The following FARP1 variants were observed in gnomAD, a reference collection of about 807,000 sequenced individuals.
The protein encoded by FARP1 is FERM, ARHGEF and pleckstrin domain-containing protein 1.
A neutral mutation model predicts 128.8 loss-of-function variants in FARP1; 52 were observed. That is an observed-to-expected ratio of 0.40 (90% confidence interval 0.32 to 0.51). The LOEUF is 0.51. FARP1 is among the 20% of genes least tolerant of loss of function. FARP1 has a pLI of 0.45. For missense variants in FARP1, 1,333 were observed against 1,367.9 expected (o/e 0.97, Z 0.40); for synonymous variants, 580 against 551.8 (o/e 1.05, Z -0.72).
intron 17 of FARP1, among the ~76,000 whole-genome samples, chr13:98,427,200 T>G (rs1891821764): frequency 6.6e-6 from 1 of 152,146 alleles, no homozygotes; most frequent in Non-Finnish European, 1.5e-5. Context: ...CCCAAATCCC[T>G]GGCAACCACT....
chr13:98,364,965 T>A (rs2139962917), intron 3 of FARP1, among the ~76,000 whole-genome samples: 1 of 152,350 alleles, frequency 6.6e-6, no homozygotes, highest in East Asian at 1.9e-4. Flanking sequence ...TCTGTAAATA[T>A]TCATTCCCTT....
intron 5 of FARP1, among the ~76,000 whole-genome samples, chr13:98,369,207 G>A (rs1889224808): frequency 6.6e-6 from 1 of 152,168 alleles, no homozygotes; most frequent in African/African-American, 2.4e-5. Context: ...TTATGTGCGT[G>A]AGCCACTGCG....
chr13:98,255,430 C>T (rs4238215), intron 2 of FARP1, among the ~76,000 whole-genome samples: 2 of 151,978 alleles, frequency 1.3e-5, no homozygotes, highest in African/African-American at 4.8e-5. Flanking sequence ...GAACCCAGGA[C>T]GCGAAGCTTG....
At chr13:98,304,045 A>G (rs568344658) in intron 2 of FARP1, among the ~76,000 whole-genome samples, 2 of 152,218 alleles carry the variant, frequency 1.3e-5, no homozygotes, top group East Asian at 3.9e-4. Flanking sequence ...CTCTCTGTTT[A>G]CTTTGGGAAA....
At chr13:98,287,188 A>C (rs1372777311) in intron 2 of FARP1, among the ~76,000 whole-genome samples, 1 of 142,438 alleles carries the variant, frequency 7.0e-6, no homozygotes, top group Non-Finnish European at 1.5e-5. Context: ...TGTCCTTTCC[A>C]AATTAACCAT....
intron 6 of FARP1, among the ~76,000 whole-genome samples, chr13:98,382,102 C>T (rs1022653826): frequency 1.6e-4 from 25 of 151,852 alleles, no homozygotes; most frequent in Non-Finnish European, 2.9e-4. Context: ...TGGTATGTGG[C>T]GGTAGCCCCA....
chr13:98,369,475 A>G (rs1889237777), intron 5 of FARP1, among the ~76,000 whole-genome samples: 1 of 150,824 alleles, frequency 6.6e-6, no homozygotes, highest in Admixed American at 6.6e-5. Flanking sequence ...TTAACTCCTC[A>G]TTTAGCATTA....
chr13:98,372,088 T>C lies in FARP1; in HGVS notation c.398+3893T>C, dbSNP rs561577865. ...AAGATGATCCCAGTTTTTCTTTTTT[T>C]TTTTTTTTTTTTTTTGGCGATGGAG... On this transcript the variant is annotated intron_variant, in intron 5 of 26. Coordinates refer to ENST00000319562, the MANE Select transcript of FARP1 (RefSeq NM_005766.4). 8.8e-3 allele frequency among the ~76,000 whole-genome samples: 1,247 copies of C among 141,788 alleles called. 6 individuals carry two copies. The highest frequency in any genetic ancestry group is 0.011 in the Non-Finnish European group (700 of 64,948). 93.0% of individuals were successfully genotyped at this position (141,788 alleles called of 152,430 possible).
In FARP1 at chr13:98,395,219, C is replaced by T. The variant is rs1239460814; in HGVS notation, c.1165-8C>T. On this transcript the variant is annotated splice_polypyrimidine_tract_variant and splice_region_variant and intron_variant, in intron 12 of 26. Transcript: ENST00000319562. ...ATCTCTCCGCACCTTTTTCCCCACC[C>T]CACCCAGTCTCAGCAGAGCACCAGC... 1.3e-6 allele frequency: 2 copies of T among 1,584,194 alleles called. No individual in the cohort carries two copies. Among genetic ancestry groups the T allele is most frequent in the East Asian group, 2.3e-5 (1 of 44,040 alleles).
At chr13:98,334,706 G>T (rs1887669424) in intron 2 of FARP1, among the ~76,000 whole-genome samples, 1 of 152,138 alleles carries the variant, frequency 6.6e-6, no homozygotes, top group Admixed American at 6.5e-5. Flanking sequence ...AAGGTAAAAT[G>T]AGGTCATGAA....
intron 3 of FARP1, among the ~76,000 whole-genome samples, chr13:98,353,698 A>G (rs1444516969): frequency 6.6e-6 from 1 of 152,150 alleles, no homozygotes; most frequent in Non-Finnish European, 1.5e-5. Context: ...AGTTTTAAGC[A>G]TCTGTTTATT....
rs34250002 is a variant in FARP1, at chr13:98,151,660, C to CTTTTTT, written c.-24+8182_-24+8187dup. Among the ~76,000 whole-genome samples, 419 of 69,202 alleles carry CTTTTTT rather than the reference C, an allele frequency of 6.1e-3. 96 individuals are homozygous for CTTTTTT. The highest frequency in any genetic ancestry group is 7.9e-3 in the Non-Finnish European group (285 of 36,140). The allele number at this position is 69,202 out of a possible 152,430, so 45.4% of individuals were successfully genotyped here. On this transcript the variant is annotated intron_variant, in intron 1 of 26. Transcript: ENST00000319562. The stretch of plus-strand genomic sequence containing the variant: ...AAACCTGCCCTTATATATCTTCCAT[C>CTTTTTT]TTTTTTTTTTTTTTTTTTTGAGACG...
chr13:98,259,456 G>T lies in FARP1; in HGVS notation c.171+46043G>T, dbSNP rs1362399109. On this transcript the variant is annotated intron_variant, in intron 2 of 26. Transcript: ENST00000319562. Reference sequence around the variant, plus strand: ...GCATGTCACTTGGGGCTTAAGTGCAGCCTGTCTTACTGCTCACATGTCCCT... The same window carrying T: ...GCATGTCACTTGGGGCTTAAGTGCATCCTGTCTTACTGCTCACATGTCCCT... Among the ~76,000 whole-genome samples the T allele has an allele frequency of 6.6e-5, 10 of 152,028 alleles. No homozygotes were observed. The South Asian group carries it at 1.7e-3, about 25-fold the overall frequency.
intron 17 of FARP1, among the ~76,000 whole-genome samples, chr13:98,428,635 G>C (rs1330205469): frequency 2.0e-5 from 3 of 152,132 alleles, no homozygotes; most frequent in African/African-American, 7.2e-5. Flanking sequence ...CTAGTCCTAG[G>C]CTGTCTCTCC....
chr13:98,361,648 C>T (rs1888877901), intron 3 of FARP1, among the ~76,000 whole-genome samples: 2 of 152,176 alleles, frequency 1.3e-5, no homozygotes, highest in South Asian at 4.1e-4. Context: ...TCCTCCAGCC[C>T]TCTGATTTTA....
At chr13:98,307,344 T>G (rs375949087) in intron 2 of FARP1, among the ~76,000 whole-genome samples, 2 of 152,178 alleles carry the variant, frequency 1.3e-5, no homozygotes, top group Non-Finnish European at 2.9e-5. Flanking sequence ...CTGTTATGGA[T>G]GGAGTTGACA....
Position 98,446,218 on chromosome 13 carries a change from C to T in FARP1, c.2904+13C>T, listed in dbSNP as rs202041074. Reference sequence around the variant, plus strand: ...CAAATCACACCAGGTAAGTGTCTCGCACAGGGCAGGTGGCCCTGGGACCTT... The same window carrying T: ...CAAATCACACCAGGTAAGTGTCTCGTACAGGGCAGGTGGCCCTGGGACCTT... On this transcript the variant is annotated intron_variant, in intron 25 of 26. Coordinates refer to ENST00000319562, the MANE Select transcript of FARP1 (RefSeq NM_005766.4). 19 of 1,572,378 alleles carry T rather than the reference C, an allele frequency of 1.2e-5. No individual in the cohort carries two copies. The African/African-American group carries it at 2.3e-4, about 19-fold the overall frequency.
Position 98,453,989 on chromosome 13 carries a change from TC to T in FARP1, c.*5674del, listed in dbSNP as rs1279612407. The T allele has an allele frequency of 6.6e-6, 1 of 152,186 alleles. No homozygotes were observed. The highest frequency in any genetic ancestry group is 2.4e-5 in the African/African-American group (1 of 41,434). The allele number at this position is 152,186 out of a possible 1,614,324, so 9.4% of individuals were successfully genotyped here. On this transcript the variant is annotated 3_prime_UTR_variant, in exon 27 of 27. Transcript: ENST00000319562. ...AATCTGACATGCCCCAGAGAGCAGT[TC>T]CTTTGAGCCCCATGCTGGCGCTCAA...
chr13:98,409,423 C>A lies in FARP1; in HGVS notation c.1500C>A (p.Pro500=). 2 of 1,614,136 alleles carry A rather than the reference C, an allele frequency of 1.2e-6. No individual in the cohort carries two copies. Among genetic ancestry groups the A allele is most frequent in the Non-Finnish European group, 1.7e-6 (2 of 1,180,028 alleles). The change falls in exon 14 of 27, where the codon CCC becomes CCA. Residue 500 remains proline, a synonymous_variant. Transcript: ENST00000319562. ...GVAPANVTLS[P]NLSPDTKQAS... is the part of the protein sequence containing the mutation. ...CCCCTGCCAACGTGACCTTGTCTCC[C>A]AACCTGAGCCCCGACACCAAGCAGG...
Sources: gnomAD v4.1 joint callset for allele counts (sites outside exome capture counted in the v4.1 genomes callset) on GRCh38, gnomAD v4.1.1 for gene constraint, MANE v1.5 for transcripts, NCBI Gene and HGNC (gene_info 2026-07-23, HGNC 2026-07-21) for gene names.